RNF113B: variants seen among roughly 807,000 people sequenced by gnomAD.
RNF113B encodes zinc finger protein 183-like 1.
RNF113B carries 12 observed loss-of-function variants against 22.2 expected under a neutral mutation model. The ratio of observed to expected loss-of-function variants is 0.54; its 90% CI spans 0.35 to 0.87. The LOEUF (loss-of-function observed/expected upper bound fraction) is 0.87, where lower values mean the gene tolerates loss of function less well. Ranked by LOEUF, RNF113B falls within the 40% of genes least tolerant of loss-of-function variation. RNF113B has a pLI of 0.01. For synonymous variants in RNF113B, 194 were observed against 184.6 expected (o/e 1.05, Z -0.41); for missense variants, 442 against 455.4 (o/e 0.97, Z 0.27).
Position 98,175,976 on chromosome 13 carries a change from T to A in RNF113B, c.*187A>T. ...TTCATCCATCCATGGACACTTGGGT[T>A]GTTTACACCTCTTGGCTTTTGCAAA... On this transcript the variant is annotated 3_prime_UTR_variant, in exon 2 of 2. Coordinates refer to ENST00000267291, the MANE Select transcript of RNF113B (RefSeq NM_178861.5). 1.6e-6 allele frequency: 1 copy of A among 611,470 alleles called. No homozygotes were observed. Among genetic ancestry groups the A allele is most frequent in the Non-Finnish European group, 2.9e-6 (1 of 341,164 alleles). The allele number at this position is 611,470 out of a possible 1,614,324, so 37.9% of individuals were successfully genotyped here. A position where few individuals can be genotyped will look rare whatever the true frequency, so the allele number is the denominator to read the frequency against.
chr13:98,176,947 G>A lies in RNF113B; in HGVS notation c.290C>T (p.Thr97Ile), dbSNP rs745521093. 16 of 1,602,286 alleles carry A rather than the reference G, an allele frequency of 1.0e-5. No individual in the cohort carries two copies. The highest frequency in any genetic ancestry group is 1.7e-5 in the Admixed American group (1 of 59,992). ...PESLDVVYRS[T>I]RSAKPVGPED... is the part of the protein sequence containing the mutation. ...TGGCCCCACAGGCTTCGCCGAGCGG[G>A]TGGACCTGTACACCACGTCGAGGCT... The change falls in exon 1 of 2, where the codon ACC becomes ATC. Residue 97 changes from threonine to isoleucine, a missense_variant. Thr to Ile is a moderately conservative substitution (Grantham distance 89, BLOSUM62 -1). Coordinates refer to ENST00000267291, the MANE Select transcript of RNF113B (RefSeq NM_178861.5). The surrounding 1 kb of genome is among the most constrained non-coding windows in gnomAD (Gnocchi z 6.2).
At position 98,176,566 on chromosome 13, in the gene RNF113B, C is replaced by T. The variant is rs1878053911; in HGVS notation, c.671G>A (p.Trp224Ter). The change falls in exon 1 of 2, where the codon TGG becomes TAG. Residue 224 changes from tryptophan to a stop codon, truncating the protein, a stop_gained. Coordinates refer to ENST00000267291, the MANE Select transcript of RNF113B (RefSeq NM_178861.5). LOFTEE classifies it high-confidence loss of function. The surrounding 1 kb of genome is among the most constrained non-coding windows in gnomAD (Gnocchi z 6.2). ...CTCTTCAAGCTCCCGTTCAATCTCCCACCCGAGCTTGTAATCGGAACGGTC... is the reference window on the plus strand; with the variant it reads ...CTCTTCAAGCTCCCGTTCAATCTCCTACCCGAGCTTGTAATCGGAACGGTC... ...LHDRSDYKLG[W>*]EIERELEEGR... 2.5e-6 allele frequency: 4 copies of T among 1,614,112 alleles called. No homozygotes were observed. Among genetic ancestry groups the T allele is most frequent in the Middle Eastern group, 1.6e-4 (1 of 6,084 alleles).
At position 98,176,012 on chromosome 13, in the gene RNF113B, G is replaced by A; in HGVS notation, c.*151C>T. 1 of 718,112 alleles carries A rather than the reference G, an allele frequency of 1.4e-6. No homozygotes were observed. The highest frequency in any genetic ancestry group is 1.8e-5 in the African/African-American group (1 of 56,132). 44.5% of individuals were successfully genotyped at this position (718,112 alleles called of 1,614,324 possible). On this transcript the variant is annotated 3_prime_UTR_variant, in exon 2 of 2. Transcript: ENST00000267291. The surrounding 1 kb of genome is among the most constrained non-coding windows in gnomAD (Gnocchi z 6.2). The stretch of plus-strand genomic sequence containing the variant: ...CTTGGCTTTTGCAAATAATTCTGCA[G>A]TGAACATGGGAGTGCACATACCTCT...
chr13:98,177,012 C>A lies in RNF113B; in HGVS notation c.225G>T (p.Ala75=), dbSNP rs34253287. The A allele has an allele frequency of 5.0e-6, 8 of 1,596,752 alleles. No homozygotes were observed. The highest frequency in any genetic ancestry group is 6.8e-6 in the Non-Finnish European group (8 of 1,178,368). The part of the protein sequence containing the change: ...RPRGLHSWQK[A]AHGDRRGEEA... The stretch of plus-strand genomic sequence containing the variant: ...CCTCGCCCCTCCTGTCGCCGTGAGC[C>A]GCCTTCTGCCAGCTGTGGAGGCCCC... Residue 75 remains alanine (A), a synonymous_variant, in exon 1 of 2, where the codon GCG becomes GCT. Coordinates refer to ENST00000267291, the MANE Select transcript of RNF113B (RefSeq NM_178861.5).
rs41300600 is a variant in RNF113B, at chr13:98,176,638, T to C, written c.599A>G (p.Lys200Arg). The change falls in exon 1 of 2, where the codon AAG becomes AGG. Residue 200 changes from lysine (K) to arginine (R), a missense_variant. By Grantham distance (26) the Lys-to-Arg change is conservative. Coordinates refer to ENST00000267291, the MANE Select transcript of RNF113B (RefSeq NM_178861.5). This position sits in a 1 kb window ranked among gnomAD's most constrained non-coding sequence, Gnocchi z 6.2. The stretch of plus-strand genomic sequence containing the variant: ...CCCGAAGCCACAGAAGCCAGTCTCC[T>C]TGTAGTCCTTGCAGATGTCAGGCTG... ...DYQPDICKDY[K>R]ETGFCGFGDS... The C allele has an allele frequency of 3.7e-3, 5,999 of 1,614,218 alleles. 141 individuals are homozygous for C. In the African/African-American group the frequency reaches 0.054, roughly 15 times the overall value.
At position 98,177,148 on chromosome 13, in the gene RNF113B, G is replaced by T. The variant is rs1341694792; in HGVS notation, c.89C>A (p.Ala30Asp). The part of the protein sequence containing the change: ...FLFKKPGRKG[A>D]AGLRKRPACD... ...GGCCGGGCGCTTTCTGAGGCCTGCA[G>T]CCCCTTTCCGTCCAGGCTTTTTGAA... Residue 30 changes from alanine (A) to aspartate (D), a missense_variant, in exon 1 of 2, where the codon GCT (alanine) becomes GAT (aspartate). Ala to Asp is a moderately radical substitution (Grantham distance 126, BLOSUM62 -2). Transcript: ENST00000267291. 2.5e-6 allele frequency: 4 copies of T among 1,607,114 alleles called. No homozygotes were observed. The South Asian group carries it at 4.4e-5, about 18-fold the overall frequency.
rs1345918358 is a variant in RNF113B, at chr13:98,175,897, C to T, written c.*266G>A. 4.3e-6 allele frequency: 2 copies of T among 460,220 alleles called. No individual in the cohort carries two copies. Among genetic ancestry groups the T allele is most frequent in the South Asian group, 4.8e-5 (1 of 20,756 alleles). The allele number at this position is 460,220 out of a possible 1,614,324, so 28.5% of individuals were successfully genotyped here. A position where few individuals can be genotyped will look rare whatever the true frequency, so the allele number is the denominator to read the frequency against. On this transcript the variant is annotated 3_prime_UTR_variant, in exon 2 of 2. Transcript: ENST00000267291. Reference sequence around the variant, plus strand: ...TAAATCTTTAAAAGGATTTCCTTCCCGTTAAGGCTTAATAGCATTCCATTG... The same window carrying T: ...TAAATCTTTAAAAGGATTTCCTTCCTGTTAAGGCTTAATAGCATTCCATTG...
Position 98,176,887 on chromosome 13 carries a change from T to G in RNF113B, c.350A>C (p.Asp117Ala), listed in dbSNP as rs1878097204. The stretch of plus-strand genomic sequence containing the variant: ...CGGCGTATGGTGCTCCTTCTCGGTG[T>G]CCTGCTCGAAGTCAGCGGTGGCCCC... ...DMGATADFEQ[D>A]TEKEHHTPTI... Residue 117 changes from aspartate (D) to alanine (A), a missense_variant, in exon 1 of 2, where the codon GAC becomes GCC. Transcript: ENST00000267291. This position sits in a 1 kb window ranked among gnomAD's most constrained non-coding sequence, Gnocchi z 6.2. 1 of 1,606,442 alleles carries G rather than the reference T, an allele frequency of 6.2e-7. No individual in the cohort carries two copies. Among genetic ancestry groups the G allele is most frequent in the Admixed American group, 1.7e-5 (1 of 59,988 alleles).
At position 98,176,642 on chromosome 13, in the gene RNF113B, A is replaced by T. The variant is rs1246899764; in HGVS notation, c.595T>A (p.Tyr199Asn). The change falls in exon 1 of 2, where the codon TAC (tyrosine) becomes AAC (asparagine). Residue 199 changes from tyrosine (Y) to asparagine (N), a missense_variant. Coordinates refer to ENST00000267291, the MANE Select transcript of RNF113B (RefSeq NM_178861.5). The surrounding 1 kb of genome is among the most constrained non-coding windows in gnomAD (Gnocchi z 6.2). ...WDYQPDICKDYKETGFCGFGD... is the reference protein window; with the variant it reads ...WDYQPDICKDNKETGFCGFGD... ...AAGCCACAGAAGCCAGTCTCCTTGT[A>T]GTCCTTGCAGATGTCAGGCTGGTAA... 6 of 1,614,088 alleles carry T rather than the reference A, an allele frequency of 3.7e-6. No homozygotes were observed.
Position 98,176,089 on chromosome 13 carries a change from AG to A in RNF113B, c.*73del, listed in dbSNP as rs1192356941. On this transcript the variant is annotated 3_prime_UTR_variant, in exon 2 of 2. Coordinates refer to ENST00000267291, the MANE Select transcript of RNF113B (RefSeq NM_178861.5). The surrounding 1 kb of genome is among the most constrained non-coding windows in gnomAD (Gnocchi z 6.2). ...GTTACATACTCAGGCATGGGATTGC[AG>A]GAAGACTGTCATCTCTCTCATCTTA... 1 of 1,300,878 alleles carries A rather than the reference AG, an allele frequency of 7.7e-7. No homozygotes were observed. Among genetic ancestry groups the A allele is most frequent in the African/African-American group, 1.5e-5 (1 of 67,762 alleles). 80.6% of individuals were successfully genotyped at this position (1,300,878 alleles called of 1,614,324 possible). A position where few individuals can be genotyped will look rare whatever the true frequency, so the allele number is the denominator to read the frequency against.
At position 98,176,986 on chromosome 13, in the gene RNF113B, T is replaced by G. The variant is rs140938876; in HGVS notation, c.251A>C (p.Glu84Ala). The G allele has an allele frequency of 2.8e-5, 44 of 1,598,796 alleles. No individual in the cohort carries two copies. Among genetic ancestry groups the G allele is most frequent in the Admixed American group, 1.7e-4 (10 of 59,916 alleles). ...CACGTCGAGGCTCTCAGGCGCCGCC[T>G]CCTCGCCCCTCCTGTCGCCGTGAGC... is the stretch of plus-strand genomic sequence containing the variant. ...KAAHGDRRGE[E>A]AAPESLDVVY... is the part of the protein sequence containing the mutation. Residue 84 changes from glutamate to alanine, a missense_variant, in exon 1 of 2, where the codon GAG becomes GCG. By Grantham distance (107) the Glu-to-Ala change is moderately radical. Coordinates refer to ENST00000267291, the MANE Select transcript of RNF113B (RefSeq NM_178861.5). The surrounding 1 kb of genome is among the most constrained non-coding windows in gnomAD (Gnocchi z 6.2).
At position 98,177,031 on chromosome 13, in the gene RNF113B, A is replaced by G. The variant is rs779802187; in HGVS notation, c.206T>C (p.Leu69Pro). The G allele has an allele frequency of 6.3e-7, 1 of 1,594,458 alleles. No homozygotes were observed. Among genetic ancestry groups the G allele is most frequent in the East Asian group, 2.2e-5 (1 of 44,618 alleles). Residue 69 changes from leucine (L) to proline (P), a missense_variant, in exon 1 of 2, where the codon CTC becomes CCC. Physicochemically the swap from Leu to Pro is moderately conservative, Grantham distance 98 (BLOSUM62 -3). Transcript: ENST00000267291. Reference sequence around the variant, plus strand: ...GTGAGCCGCCTTCTGCCAGCTGTGGAGGCCCCGGGGCCTCGGTGCCACCCG... The same window carrying G: ...GTGAGCCGCCTTCTGCCAGCTGTGGGGGCCCCGGGGCCTCGGTGCCACCCG... ...PPRVAPRPRG[L>P]HSWQKAAHGD...
Position 98,176,324 on chromosome 13 carries a change from T to G in RNF113B, c.913A>C (p.Lys305Gln), listed in dbSNP as rs1258110149. Residue 305 changes from lysine to glutamine, a missense_variant, in exon 1 of 2, where the codon AAA (lysine) becomes CAA (glutamine). Transcript: ENST00000267291. This position sits in a 1 kb window ranked among gnomAD's most constrained non-coding sequence, Gnocchi z 6.2. Reference protein sequence around the residue: ...QPTGGIFNPAKELMAKLQKLQ... With the variant: ...QPTGGIFNPAQELMAKLQKLQ... ...TTTTGCAGTTTCGCCATCAGTTCTTTGGCGGGGTTAAAGATGCCGCCGGTT... is the reference window on the plus strand; with the variant it reads ...TTTTGCAGTTTCGCCATCAGTTCTTGGGCGGGGTTAAAGATGCCGCCGGTT... 6.2e-7 allele frequency: 1 copy of G among 1,613,518 alleles called. No individual in the cohort carries two copies.
chr13:98,177,016 T>G lies in RNF113B; in HGVS notation c.221A>C (p.Lys74Thr), dbSNP rs745581725. 36 of 1,596,464 alleles carry G rather than the reference T, an allele frequency of 2.3e-5. No homozygotes were observed. The highest frequency in any genetic ancestry group is 2.5e-5 in the Non-Finnish European group (30 of 1,178,266). The change falls in exon 1 of 2, where the codon AAG becomes ACG. Residue 74 changes from lysine to threonine, a missense_variant. Coordinates refer to ENST00000267291, the MANE Select transcript of RNF113B (RefSeq NM_178861.5). ...PRPRGLHSWQ[K>T]AAHGDRRGEE... is the part of the protein sequence containing the mutation. Reference sequence around the variant, plus strand: ...GCCCCTCCTGTCGCCGTGAGCCGCCTTCTGCCAGCTGTGGAGGCCCCGGGG... The same window carrying G: ...GCCCCTCCTGTCGCCGTGAGCCGCCGTCTGCCAGCTGTGGAGGCCCCGGGG...
rs1288889900 is a variant in RNF113B, at chr13:98,176,980, G to A, written c.257C>T (p.Ala86Val). Residue 86 changes from alanine to valine, a missense_variant, in exon 1 of 2, where the codon GCG (alanine) becomes GTG (valine). Coordinates refer to ENST00000267291, the MANE Select transcript of RNF113B (RefSeq NM_178861.5). This position sits in a 1 kb window ranked among gnomAD's most constrained non-coding sequence, Gnocchi z 6.2. ...AHGDRRGEEAAPESLDVVYRS... is the reference protein window; with the variant it reads ...AHGDRRGEEAVPESLDVVYRS... ...GTACACCACGTCGAGGCTCTCAGGC[G>A]CCGCCTCCTCGCCCCTCCTGTCGCC... is the stretch of plus-strand genomic sequence containing the variant. 1.0e-5 allele frequency: 16 copies of A among 1,599,860 alleles called. No homozygotes were observed. The highest frequency in any genetic ancestry group is 1.3e-5 in the Non-Finnish European group (15 of 1,179,652).
In RNF113B at chr13:98,175,990, G is replaced by T; in HGVS notation, c.*173C>A. 1 of 644,390 alleles carries T rather than the reference G, an allele frequency of 1.6e-6. No individual in the cohort carries two copies. The highest frequency in any genetic ancestry group is 2.1e-5 in the South Asian group (1 of 48,082). 39.9% of individuals were successfully genotyped at this position (644,390 alleles called of 1,614,324 possible). On this transcript the variant is annotated 3_prime_UTR_variant, in exon 2 of 2. Coordinates refer to ENST00000267291, the MANE Select transcript of RNF113B (RefSeq NM_178861.5). ...GACACTTGGGTTGTTTACACCTCTT[G>T]GCTTTTGCAAATAATTCTGCAGTGA...
rs1341262914 is a variant in RNF113B at position 98,177,251 on chromosome 13, C to T, written c.-15G>A. 9.8e-6 allele frequency: 15 copies of T among 1,533,116 alleles called. No individual in the cohort carries two copies. Among genetic ancestry groups the T allele is most frequent in the Non-Finnish European group, 1.2e-5 (14 of 1,140,892 alleles). 95.0% of individuals were successfully genotyped at this position (1,533,116 alleles called of 1,614,324 possible). The stretch of plus-strand genomic sequence containing the variant: ...GGCGCTGCCATGTTTGAGTCTCAGG[C>T]TCCCAACGGCCGTGGCGTGCGTCAC... On this transcript the variant is annotated 5_prime_UTR_variant, in exon 1 of 2. Coordinates refer to ENST00000267291, the MANE Select transcript of RNF113B (RefSeq NM_178861.5).
In RNF113B at chr13:98,176,274, G is replaced by A; in HGVS notation, c.955+8C>T. On this transcript the variant is annotated splice_region_variant and intron_variant, in intron 1 of 1. Coordinates refer to ENST00000267291, the MANE Select transcript of RNF113B (RefSeq NM_178861.5). The surrounding 1 kb of genome is among the most constrained non-coding windows in gnomAD (Gnocchi z 6.2). ...GGGGGTCTTCTGTGAAATGGGACTT[G>A]CCCCCACCTTCTGCAGCCTGAAGCT... 6.2e-7 allele frequency: 1 copy of A among 1,611,528 alleles called. No homozygotes were observed. Among genetic ancestry groups the A allele is most frequent in the Non-Finnish European group, 8.5e-7 (1 of 1,178,198 alleles).
At position 98,176,932 on chromosome 13, in the gene RNF113B, G is replaced by A. The variant is rs1441921845; in HGVS notation, c.305C>T (p.Pro102Leu). The A allele has an allele frequency of 6.2e-7, 1 of 1,603,390 alleles. No homozygotes were observed. The change falls in exon 1 of 2, where the codon CCT becomes CTT. Residue 102 changes from proline (P) to leucine (L), a missense_variant. Pro to Leu is a moderately conservative substitution (Grantham distance 98, BLOSUM62 -3). Transcript: ENST00000267291. This position sits in a 1 kb window ranked among gnomAD's most constrained non-coding sequence, Gnocchi z 6.2. Reference sequence around the variant, plus strand: ...GGCCCCCATGTCCTCTGGCCCCACAGGCTTCGCCGAGCGGGTGGACCTGTA... The same window carrying A: ...GGCCCCCATGTCCTCTGGCCCCACAAGCTTCGCCGAGCGGGTGGACCTGTA... ...VVYRSTRSAK[P>L]VGPEDMGATA... is the part of the protein sequence containing the mutation.
Sources: allele counts gnomAD v4.1 joint callset, GRCh38; gene constraint gnomAD v4.1.1; non-coding constraint Gnocchi (gnomAD v3.1); transcripts MANE v1.5; gene names NCBI Gene and HGNC (gene_info 2026-07-23, HGNC 2026-07-21).